The following RIOK1 variants were observed in gnomAD, a reference collection of about 807,000 sequenced individuals.
The protein encoded by RIOK1 is RIO kinase 1, also known as serine/threonine-protein kinase RIO1.
In RIOK1, 66 loss-of-function variants were observed where a neutral mutation model predicts 73.5. The observed-to-expected ratio is 0.90, with a 90% CI of 0.74 to 1.10. The LOEUF is 1.10. Ranked by LOEUF, RIOK1 falls within the 50% of genes least tolerant of loss-of-function variation. RIOK1 has a pLI of 0.00. For synonymous variants in RIOK1, 224 were observed against 226.8 expected (o/e 0.99, Z 0.11); for missense variants, 658 against 699.8 (o/e 0.94, Z 0.67).
At chr6:7,399,806 T>C (rs1761568651) in intron 5 of RIOK1, among the ~76,000 whole-genome samples, 1 of 152,244 alleles carries the variant, frequency 6.6e-6, no homozygotes, top group Non-Finnish European at 1.5e-5. Context: ...TAGTGCCTTT[T>C]CATTCTTCTC....
intron 15 of RIOK1, among the ~76,000 whole-genome samples, chr6:7,413,901 T>C (rs1761941417): frequency 6.6e-6 from 1 of 152,176 alleles, no homozygotes; most frequent in African/African-American, 2.4e-5. Flanking sequence ...TAAATCTTCA[T>C]TTTCTACCTC....
intron 16 of RIOK1, among the ~76,000 whole-genome samples, chr6:7,416,281 TGTAAA>T (rs1180132932): frequency 2.0e-5 from 3 of 152,238 alleles, no homozygotes; most frequent in African/African-American, 7.2e-5. Flanking sequence ...ATATGGAACT[TGTAAA>T]GAAAAGTATT....
chr6:7,403,472 CTT>C (rs1190690983), intron 8 of RIOK1, among the ~76,000 whole-genome samples: 2 of 152,170 alleles, frequency 1.3e-5, no homozygotes, highest in South Asian at 2.1e-4. Flanking sequence ...TAAAAAATGT[CTT>C]ATAACTTTTT....
At chr6:7,400,258 T>C (rs1581714397) in intron 5 of RIOK1, among the ~76,000 whole-genome samples, 3 of 152,216 alleles carry the variant, frequency 2.0e-5, no homozygotes, top group Admixed American at 2.0e-4. Context: ...GTGGCTCACA[T>C]ATAGTTTCTG....
rs577851886 is a variant in RIOK1, at chr6:7,396,032, A to G, written c.368-671A>G. On this transcript the variant is annotated intron_variant, in intron 3 of 16. Coordinates refer to ENST00000379834, the MANE Select transcript of RIOK1 (RefSeq NM_031480.3). ...CTGTTTTAGATTTTGTAATAGGGTT[A>G]TCTCATAGTAGGATGTTGAAAATAC... Among the ~76,000 whole-genome samples, 7 of 152,326 alleles carry G rather than the reference A, an allele frequency of 4.6e-5. 1 individual carries two copies. In the South Asian group the frequency reaches 1.5e-3, roughly 32 times the overall value.
chr6:7,405,384 G>C, intron 12 of RIOK1, 29 bp downstream of exon 12: 1 of 1,276,436 alleles, frequency 7.8e-7, no homozygotes, highest in Admixed American at 1.7e-5. Flanking sequence ...GGAGGAATAG[G>C]AAATAGCAGT....
chr6:7,402,949 C>CA (rs751488884), intron 8 of RIOK1, 52 bp downstream of exon 8: 2 of 1,509,258 alleles, frequency 1.3e-6, no homozygotes, highest in East Asian at 4.6e-5. Context: ...ACATGAACAT[C>CA]AGCCCTTCCT....
intron 13 of RIOK1, 56 bp downstream of exon 13, chr6:7,410,507 T>C: frequency 1.7e-6 from 2 of 1,161,812 alleles, no homozygotes; most frequent in Non-Finnish European, 2.5e-6. Context: ...TGAGGGTTTT[T>C]TTTTTTATGT....
intron 2 of RIOK1, 155 bp from the exon 3 acceptor site, chr6:7,394,898 A>T (rs1297661842): frequency 1.4e-5 from 16 of 1,174,868 alleles, no homozygotes; most frequent in South Asian, 2.8e-5. Context: ...TCTTTAAAAA[A>T]TTTTTTGAGC....
In RIOK1 at chr6:7,417,320, G is replaced by T. The variant is rs368843267; in HGVS notation, c.1597-11G>T. The T allele has an allele frequency of 4.7e-6, 7 of 1,495,572 alleles. No individual in the cohort carries two copies. The Admixed American group carries it at 1.0e-4, about 22-fold the overall frequency. 92.6% of individuals were successfully genotyped at this position (1,495,572 alleles called of 1,614,324 possible). On this transcript the variant is annotated splice_polypyrimidine_tract_variant and intron_variant, in intron 16 of 16. Transcript: ENST00000379834. Reference sequence around the variant, plus strand: ...TGAATGAAAGTTGGCTTTTTTGTTTGTTTTTTACAGGAAAGAAAAAAGATG... The same window carrying T: ...TGAATGAAAGTTGGCTTTTTTGTTTTTTTTTTACAGGAAAGAAAAAAGATG...
intron 16 of RIOK1, among the ~76,000 whole-genome samples, chr6:7,415,264 A>G (rs1160554693): frequency 6.6e-6 from 1 of 152,158 alleles, no homozygotes; most frequent in Non-Finnish European, 1.5e-5. Flanking sequence ...CTATTAAAAC[A>G]TTGGTGATGA....
Position 7,393,219 on chromosome 6 carries a change from CGAT to C in RIOK1, c.204_206del (p.Asp69del), listed in dbSNP as rs758199976. The C allele has an allele frequency of 1.9e-6, 3 of 1,595,506 alleles. No individual in the cohort carries two copies. The highest frequency in any genetic ancestry group is 3.4e-5 in the Admixed American group (2 of 59,592). On this transcript the variant is annotated inframe_deletion, in exon 2 of 17. Transcript: ENST00000379834. Reference sequence around the variant, plus strand: ...AAGATGAGGAGGAGGAGGGTTATGACGATGATGATGATGACTGGGACTGGGATG... The same window carrying C: ...AAGATGAGGAGGAGGAGGGTTATGACGATGATGATGACTGGGACTGGGATG...
At chr6:7,393,790 C>T (rs55656962) in intron 2 of RIOK1, among the ~76,000 whole-genome samples, 33,903 of 152,060 alleles carry the variant, frequency 0.22, 3,888 homozygotes, top group Non-Finnish European at 0.25. Flanking sequence ...TTTGACTTAG[C>T]GATTCTGTGA....
At chr6:7,393,553 T>C (rs9505195) in intron 2 of RIOK1, among the ~76,000 whole-genome samples, 10,970 of 152,242 alleles carry the variant, frequency 0.072, 787 homozygotes, top group African/African-American at 0.19. Context: ...AAAATCTTCA[T>C]GGGAAAGGGC....
chr6:7,408,781 G>C (rs1761813015), intron 12 of RIOK1, among the ~76,000 whole-genome samples: 1 of 147,028 alleles, frequency 6.8e-6, no homozygotes, highest in Non-Finnish European at 1.5e-5. Context: ...GAGTGCAGTG[G>C]GGCAATCTCG....
intron 12 of RIOK1, among the ~76,000 whole-genome samples, chr6:7,409,921 T>C (rs1036265736): frequency 6.6e-6 from 1 of 152,150 alleles, no homozygotes; most frequent in African/African-American, 2.4e-5. Flanking sequence ...GTTTCAGTCA[T>C]TGTTTGCTCA....
At position 7,390,037 on chromosome 6, in the gene RIOK1, TC is replaced by T; in HGVS notation, c.39del (p.Gln15AsnfsTer15). On this transcript the variant is annotated frameshift_variant, in exon 1 of 17. Coordinates refer to ENST00000379834, the MANE Select transcript of RIOK1 (RefSeq NM_031480.3). LOFTEE classifies it high-confidence loss of function. ...CGGCGGCTTCTCATGAGCCGGGTGG[TC>T]CCCGGGCAATTCGACGACGCGGACT... ...DYRRLLMSRVVPGQFDDADSS... is the reference protein window; with the variant it reads ...DYRRLLMSRVXPGQFDDADSS... The T allele has an allele frequency of 1.3e-6, 2 of 1,557,898 alleles. No homozygotes were observed. Among genetic ancestry groups the T allele is most frequent in the East Asian group, 2.4e-5 (1 of 41,198 alleles).
Position 7,413,143 on chromosome 6 carries a change from A to C in RIOK1, c.1443+201A>C, listed in dbSNP as rs527690891. On this transcript the variant is annotated intron_variant, in intron 15 of 16. Coordinates refer to ENST00000379834, the MANE Select transcript of RIOK1 (RefSeq NM_031480.3). ...TGTGTTCTTTCTAAACACAGCACTG[A>C]AATTTGGAAATTAATTTATTTTTCT... Among the ~76,000 whole-genome samples, 5 of 152,292 alleles carry C rather than the reference A, an allele frequency of 3.3e-5. No individual in the cohort carries two copies. The East Asian group carries it at 9.6e-4, about 29-fold the overall frequency.
intron 2 of RIOK1, 115 bp downstream of exon 2, chr6:7,393,418 T>C: frequency 1.2e-6 from 1 of 827,350 alleles, no homozygotes; most frequent in Non-Finnish European, 2.0e-6. Flanking sequence ...CATGTTATAT[T>C]GTCCTGTAGC....
Sources: allele counts gnomAD v4.1 joint callset (sites outside exome capture counted in the v4.1 genomes callset), GRCh38; gene constraint gnomAD v4.1.1; transcripts MANE v1.5; gene names NCBI Gene and HGNC (gene_info 2026-07-23, HGNC 2026-07-21).